The following WDR41 variants were observed in gnomAD, a reference collection of about 807,000 sequenced individuals.
The protein encoded by WDR41 is WD repeat domain 41.
In WDR41, 63 loss-of-function variants were observed where a neutral mutation model predicts 69.3. The ratio of observed to expected loss-of-function variants is 0.91; its 90% CI spans 0.74 to 1.12. The LOEUF (loss-of-function observed/expected upper bound fraction) is 1.12, where lower values mean the gene tolerates loss of function less well. Ranked by LOEUF, WDR41 falls within the 50% of genes most tolerant of loss-of-function variation. The pLI, the probability that WDR41 is intolerant of heterozygous loss-of-function variation, is 0.00. For missense variants in WDR41, 543 were observed against 534.5 expected (o/e 1.02, Z -0.16); for synonymous variants, 185 against 192.1 (o/e 0.96, Z 0.31).
rs563103227 is a variant in WDR41, at chr5:77,534,599, A to G, written c.43-45027T>C. Among the ~76,000 whole-genome samples, 142 of 151,900 alleles carry G rather than the reference A, an allele frequency of 9.3e-4. 1 individual carries two copies. Among genetic ancestry groups the G allele is most frequent in the African/African-American group, 3.3e-3 (136 of 41,432 alleles). ...CAGGCATGCACCACCACGCCTGGCTAATTTTTGTATTTTTAGTGGAGACAG... is the reference window on the plus strand; with the variant it reads ...CAGGCATGCACCACCACGCCTGGCTGATTTTTGTATTTTTAGTGGAGACAG... On this transcript the variant is annotated intron_variant, in intron 1 of 5. Coordinates refer to the WDR41 transcript ENST00000509971.
intron 2 of WDR41, among the ~76,000 whole-genome samples, chr5:77,473,942 C>A (rs1442286922): frequency 6.6e-6 from 1 of 152,116 alleles, no homozygotes; most frequent in Non-Finnish European, 1.5e-5. Context: ...TGGGTATATA[C>A]CCAAAGGATT....
intron 3 of WDR41, among the ~76,000 whole-genome samples, chr5:77,464,540 C>A (rs1800213328): frequency 6.7e-6 from 1 of 149,308 alleles, no homozygotes; most frequent in Non-Finnish European, 1.5e-5. Flanking sequence ...AGCCACCACA[C>A]CCAGCTGGAA....
At chr5:77,555,911 A>G (rs1743380204) in intron 1 of WDR41, among the ~76,000 whole-genome samples, 1 of 152,088 alleles carries the variant, frequency 6.6e-6, no homozygotes, top group African/African-American at 2.4e-5. Flanking sequence ...ATTAAACACT[A>G]CTGAAGAAGA....
chr5:77,503,840 C>T (rs1451118289), intron 1 of WDR41, among the ~76,000 whole-genome samples: 4 of 152,110 alleles, frequency 2.6e-5, no homozygotes, highest in Non-Finnish European at 4.4e-5. Flanking sequence ...AGAACAAAGA[C>T]ACAACATACC....
At chr5:77,520,441 A>G (rs1172018531) in intron 1 of WDR41, among the ~76,000 whole-genome samples, 3 of 152,198 alleles carry the variant, frequency 2.0e-5, no homozygotes, top group African/African-American at 4.8e-5. Flanking sequence ...AAACCAAATC[A>G]TCAAGAAATG....
At chr5:77,582,231 A>G in intron 1 of WDR41, 3 of 718,402 alleles carry the variant, frequency 4.2e-6, no homozygotes. Context: ...AGATTACATA[A>G]CTTAGATGAA....
At chr5:77,456,929 C>G (rs945300688) in intron 5 of WDR41, among the ~76,000 whole-genome samples, 5 of 152,036 alleles carry the variant, frequency 3.3e-5, no homozygotes, top group Non-Finnish European at 5.9e-5. Context: ...GTCTTGAACT[C>G]CTGAGCTCAA....
upstream of WDR41, among the ~76,000 whole-genome samples, chr5:77,493,867 A>T (rs1454678945): frequency 6.6e-6 from 1 of 152,142 alleles, no homozygotes; most frequent in Non-Finnish European, 1.5e-5. Context: ...ATGCCACATT[A>T]CTCTGATGTA....
chr5:77,451,367 TA>T lies in WDR41; in HGVS notation c.524-15del, dbSNP rs759194972. 6 of 1,609,566 alleles carry T rather than the reference TA, an allele frequency of 3.7e-6. No individual in the cohort carries two copies. Among genetic ancestry groups the T allele is most frequent in the Admixed American group, 3.4e-5 (2 of 59,534 alleles). ...AAGCACTAATACCTCCAAAAACATA[TA>T]AAACAAAGTTCAAATTATTTTTCTC... On this transcript the variant is annotated splice_polypyrimidine_tract_variant and intron_variant, in intron 6 of 12. Coordinates refer to ENST00000296679, the MANE Select transcript of WDR41 (RefSeq NM_018268.4).
At chr5:77,593,946 C>G (rs1456410740) in intron 1 of WDR41, among the ~76,000 whole-genome samples, 1 of 151,928 alleles carries the variant, frequency 6.6e-6, no homozygotes, top group Non-Finnish European at 1.5e-5. Flanking sequence ...TAAAATTAAT[C>G]TATAGTAGAC....
chr5:77,468,906 T>G (rs1259288418), intron 2 of WDR41, among the ~76,000 whole-genome samples: 1 of 65,068 alleles, frequency 1.5e-5, no homozygotes, highest in Non-Finnish European at 2.7e-5. Context: ...GATATATCTC[T>G]AAAGTCTCTT....
At chr5:77,453,979 T>C in intron 5 of WDR41, 51 bp from the exon 6 acceptor site, 1 of 1,403,162 alleles carries the variant, frequency 7.1e-7, no homozygotes, top group Non-Finnish European at 1.0e-6. Context: ...AAGCAGTCAT[T>C]GTTCAGTGGT....
At chr5:77,594,297 G>C (rs1744184214) in intron 1 of WDR41, among the ~76,000 whole-genome samples, 1 of 151,246 alleles carries the variant, frequency 6.6e-6, no homozygotes, top group East Asian at 1.9e-4. Flanking sequence ...GATAGCATTA[G>C]GAGATATACC....
intron 1 of WDR41, among the ~76,000 whole-genome samples, chr5:77,560,998 G>A (rs1743513387): frequency 6.6e-6 from 1 of 152,140 alleles, no homozygotes; most frequent in South Asian, 2.1e-4. Flanking sequence ...ATTTGTTTCT[G>A]AAATGGCATA....
At chr5:77,522,873 C>T (rs769851829) in intron 1 of WDR41, among the ~76,000 whole-genome samples, 30 of 151,906 alleles carry the variant, frequency 2.0e-4, no homozygotes, top group Non-Finnish European at 4.0e-4. Context: ...AAAAACAACA[C>T]GGGATTAAAG....
rs1476563379 is a variant in WDR41, at chr5:77,453,802, C to T, written c.523+15G>A. ...TCTGTCAATCATAGTTCAAAATTAC[C>T]TTGATGTTTTTTACCTGTATCAGAA... is the stretch of plus-strand genomic sequence containing the variant. On this transcript the variant is annotated intron_variant, in intron 6 of 12. Transcript: ENST00000296679. 2 of 1,593,376 alleles carry T rather than the reference C, an allele frequency of 1.3e-6. No individual in the cohort carries two copies. The highest frequency in any genetic ancestry group is 1.1e-5 in the South Asian group (1 of 90,668).
intron 1 of WDR41, among the ~76,000 whole-genome samples, chr5:77,586,918 C>T (rs1360744887): frequency 6.6e-6 from 1 of 150,896 alleles, no homozygotes; most frequent in Non-Finnish European, 1.5e-5. Context: ...TGGGGTTTCA[C>T]CATCTTAGCC....
chr5:77,612,054 A>C (rs1368719021), intron 1 of WDR41, among the ~76,000 whole-genome samples: 2 of 152,214 alleles, frequency 1.3e-5, no homozygotes, highest in African/African-American at 2.4e-5. Flanking sequence ...GAAATGGATA[A>C]ATTCCTCGAC....
intron 2 of WDR41, among the ~76,000 whole-genome samples, chr5:77,481,024 G>A (rs1801213001): frequency 6.7e-6 from 1 of 150,248 alleles, no homozygotes; most frequent in Admixed American, 6.6e-5. Context: ...GGGTTTTCTG[G>A]GTTGTTTTTT....
Sources: allele counts gnomAD v4.1 joint callset (sites outside exome capture counted in the v4.1 genomes callset), GRCh38; gene constraint gnomAD v4.1.1; transcripts MANE v1.5; gene names NCBI Gene and HGNC (gene_info 2026-07-23, HGNC 2026-07-21).